F13A1: variants seen among roughly 807,000 people sequenced by gnomAD.
The protein encoded by F13A1 is FSF, A subunit.
In F13A1, 47 loss-of-function variants were observed where a neutral mutation model predicts 80.1. That is an observed-to-expected ratio of 0.59 (90% CI 0.46 to 0.75). The LOEUF is 0.75. Ranked by LOEUF, F13A1 falls within the 30% of genes least tolerant of loss-of-function variation. The pLI is 0.00. For synonymous variants in F13A1, 349 were observed against 344.9 expected, an observed-to-expected ratio of 1.01 and a Z score of -0.13; for missense variants, 817 against 930.4, an observed-to-expected ratio of 0.88 and a Z score of 1.59.
chr6:6,242,319 G>A (rs952529925), intron 6 of F13A1, among the ~76,000 whole-genome samples: 1 of 152,086 alleles, frequency 6.6e-6, no homozygotes, highest in Non-Finnish European at 1.5e-5. Flanking sequence ...ATCGAACATC[G>A]ATTGGTTAAA....
At chr6:6,174,027 CAACTCA>C (rs1760828247) in intron 12 of F13A1, among the ~76,000 whole-genome samples, 1 of 152,204 alleles carries the variant, frequency 6.6e-6, no homozygotes, top group Admixed American at 6.5e-5. Flanking sequence ...TTAATTCTCA[CAACTCA>C]TGGGGCTCTA....
intron 6 of F13A1, among the ~76,000 whole-genome samples, chr6:6,231,085 T>C (rs1230762593): frequency 6.6e-6 from 1 of 152,030 alleles, no homozygotes; most frequent in Non-Finnish European, 1.5e-5. Flanking sequence ...AATCCCTGAT[T>C]TACCTGAAAA....
rs148886722 is a variant in F13A1, at chr6:6,158,655, C to T, written c.1909-6706G>A. 7.4e-3 allele frequency among the ~76,000 whole-genome samples: 1,131 copies of T among 152,082 alleles called. 17 individuals carry two copies. The highest frequency in any genetic ancestry group is 0.025 in the African/African-American group (1,054 of 41,484). Reference sequence around the variant, plus strand: ...GGGGTGAATCTTGGTGACGAGAGTGCGATGGAGCCACAGAGAGTGCAGGAG... The same window carrying T: ...GGGGTGAATCTTGGTGACGAGAGTGTGATGGAGCCACAGAGAGTGCAGGAG... On this transcript the variant is annotated intron_variant, in intron 13 of 14. Transcript: ENST00000264870.
intron 3 of F13A1, among the ~76,000 whole-genome samples, chr6:6,270,396 CA>C (rs1210726306): frequency 1.3e-5 from 2 of 152,166 alleles, no homozygotes; most frequent in East Asian, 3.8e-4. Flanking sequence ...CCCACAGTCT[CA>C]GGGGGTGTTG....
chr6:6,176,268 T>A (rs1189377600), intron 11 of F13A1, among the ~76,000 whole-genome samples: 1 of 152,232 alleles, frequency 6.6e-6, no homozygotes, highest in African/African-American at 2.4e-5. Context: ...CAATGGTGAC[T>A]GAGAGGTCAA....
chr6:6,287,314 C>A (rs961050765), intron 3 of F13A1, among the ~76,000 whole-genome samples: 7 of 152,212 alleles, frequency 4.6e-5, no homozygotes, highest in African/African-American at 1.7e-4. Context: ...CACAGTCCGT[C>A]CTCCCTGAGT....
chr6:6,223,587 T>C (rs534266091), intron 7 of F13A1, among the ~76,000 whole-genome samples: 2 of 152,212 alleles, frequency 1.3e-5, no homozygotes, highest in Non-Finnish European at 1.5e-5. Context: ...CCAAGAAATA[T>C]GTATTCCTTC....
intron 14 of F13A1, among the ~76,000 whole-genome samples, chr6:6,151,235 C>T (rs1008875573): frequency 2.0e-5 from 3 of 151,904 alleles, no homozygotes; most frequent in African/African-American, 7.3e-5. Context: ...TGTCTTTGGT[C>T]CCCTGAATGG....
chr6:6,289,957 T>C (rs1758201391), intron 3 of F13A1, among the ~76,000 whole-genome samples: 1 of 152,242 alleles, frequency 6.6e-6, no homozygotes, highest in Admixed American at 6.5e-5. Flanking sequence ...AAGTAGCTTC[T>C]AAGCATTTTG....
intron 12 of F13A1, among the ~76,000 whole-genome samples, chr6:6,168,741 T>G (rs1760719675): frequency 1.3e-5 from 2 of 152,240 alleles, no homozygotes; most frequent in African/African-American, 2.4e-5. Context: ...CATTTTAGCC[T>G]GCTGTACTGA....
At chr6:6,298,624 T>G (rs991720904) in intron 3 of F13A1, among the ~76,000 whole-genome samples, 5 of 149,626 alleles carry the variant, frequency 3.3e-5, no homozygotes, top group African/African-American at 1.3e-4. Flanking sequence ...CATCCTTTTA[T>G]CTTGAGCCTA....
intron 3 of F13A1, among the ~76,000 whole-genome samples, chr6:6,272,165 C>T (rs1018856544): frequency 6.6e-6 from 1 of 152,170 alleles, no homozygotes; most frequent in Non-Finnish European, 1.5e-5. Flanking sequence ...TGGTAGTGCC[C>T]ACTAGAAGAA....
intron 3 of F13A1, among the ~76,000 whole-genome samples, chr6:6,300,886 A>G (rs1296082092): frequency 2.0e-5 from 3 of 151,954 alleles, no homozygotes; most frequent in Non-Finnish European, 4.4e-5. Flanking sequence ...TCAAATGTTT[A>G]GACATTTAGC....
chr6:6,305,751 C>T, intron 2 of F13A1: 1 of 573,678 alleles, frequency 1.7e-6, no homozygotes, highest in Non-Finnish European at 3.1e-6. Context: ...AAGCTTTTTC[C>T]ACCTTTGATC....
intron 3 of F13A1, among the ~76,000 whole-genome samples, chr6:6,277,793 G>A (rs1340221934): frequency 6.6e-6 from 1 of 152,204 alleles, no homozygotes; most frequent in Non-Finnish European, 1.5e-5. Context: ...TCACCCCAAA[G>A]CGAACATGGG....
At position 6,286,840 on chromosome 6, in the gene F13A1, A is replaced by G. The variant is rs533468285; in HGVS notation, c.319+18511T>C. Among the ~76,000 whole-genome samples, 7 of 152,338 alleles carry G rather than the reference A, an allele frequency of 4.6e-5. No individual in the cohort carries two copies. In the South Asian group the frequency reaches 1.4e-3, roughly 32 times the overall value. On this transcript the variant is annotated intron_variant, in intron 3 of 14. Transcript: ENST00000264870. Reference sequence around the variant, plus strand: ...GAAGAGGGTAGCAAGAGAGAGGTACAGCTATTTATAGCCTGTCTTATGGTT... The same window carrying G: ...GAAGAGGGTAGCAAGAGAGAGGTACGGCTATTTATAGCCTGTCTTATGGTT...
chr6:6,175,014 T>G, intron 11 of F13A1, 147 bp from the exon 12 acceptor site: 1 of 984,524 alleles, frequency 1.0e-6, no homozygotes, highest in Non-Finnish European at 1.5e-6. Context: ...GCCGTCATTA[T>G]TCCTATGTTA....
chr6:6,271,639 G>T (rs569077971), intron 3 of F13A1, among the ~76,000 whole-genome samples: 31 of 152,338 alleles, frequency 2.0e-4, no homozygotes, highest in Non-Finnish European at 4.0e-4. Context: ...TTTGAAATTG[G>T]ACTACTAAAC....
At chr6:6,231,398 T>C (rs1312933412) in intron 6 of F13A1, among the ~76,000 whole-genome samples, 1 of 152,000 alleles carries the variant, frequency 6.6e-6, no homozygotes. Flanking sequence ...TAAGAAAATA[T>C]GAACAAAGCC....
Sources: gnomAD v4.1 joint callset for allele counts (sites outside exome capture counted in the v4.1 genomes callset) on GRCh38, gnomAD v4.1.1 for gene constraint, MANE v1.5 for transcripts, NCBI Gene and HGNC (gene_info 2026-07-23, HGNC 2026-07-21) for gene names.